Variants in LUC7L3 observed in about 807,000 individuals in gnomAD.
The protein encoded by LUC7L3 is LUC7 like 3 pre-mRNA splicing factor, also known as luc7-like protein 3.
Under a neutral mutation model 66.8 loss-of-function variants are expected in LUC7L3, and 6 were observed. That is an observed-to-expected ratio of 0.09 (90% CI 0.05 to 0.18). LUC7L3 has a LOEUF of 0.18. LUC7L3 is among the 10% of genes least tolerant of loss of function. The pLI is 1.00. For synonymous variants in LUC7L3, 160 were observed against 174.7 expected (o/e 0.92, Z 0.66); for missense variants, 341 against 531.1 (o/e 0.64, Z 3.52).
intron 6 of LUC7L3, 74 bp downstream of exon 6, chr17:50,743,884 C>A: frequency 9.2e-7 from 1 of 1,090,028 alleles, no homozygotes; most frequent in Non-Finnish European, 1.4e-6. Flanking sequence ...ATTTGAGAAC[C>A]TTTGAAAACT....
chr17:50,724,497 G>A (rs935649974), intron 1 of LUC7L3, among the ~76,000 whole-genome samples: 1 of 151,802 alleles, frequency 6.6e-6, no homozygotes, highest in Non-Finnish European at 1.5e-5. Context: ...GTCCAGCCTG[G>A]GCAACAGAGT....
intron 1 of LUC7L3, among the ~76,000 whole-genome samples, chr17:50,727,795 C>T (rs1969291853): frequency 6.6e-6 from 1 of 151,648 alleles, no homozygotes; most frequent in Non-Finnish European, 1.5e-5. Context: ...GATAGGTAGG[C>T]AAGAACTTGG....
Position 50,723,661 on chromosome 17 carries a change from CT to C in LUC7L3, c.99+3841del, listed in dbSNP as rs912944258. 624 of 89,228 alleles carry C rather than the reference CT, an allele frequency of 7.0e-3. 1 individual carries two copies. The highest frequency in any genetic ancestry group is 0.02 in the African/African-American group (500 of 25,146). The allele number at this position is 89,228 out of a possible 1,614,324, so 5.5% of individuals were successfully genotyped here. Reference sequence around the variant, plus strand: ...TCTACCCTGCTCCCTGCCCCCCCCCCTTTTTTTTTTTGAGACAGAGTCTAGC... The same window carrying C: ...TCTACCCTGCTCCCTGCCCCCCCCCCTTTTTTTTTTGAGACAGAGTCTAGC... On this transcript the variant is annotated intron_variant, in intron 1 of 9. Transcript: ENST00000505658.
At position 50,750,809 on chromosome 17, in the gene LUC7L3, T is replaced by C; in HGVS notation, c.*148T>C. On this transcript the variant is annotated 3_prime_UTR_variant, in exon 10 of 10. Coordinates refer to ENST00000505658, the MANE Select transcript of LUC7L3 (RefSeq NM_016424.5). Reference sequence around the variant, plus strand: ...CCGAGTAAGAAGACATACAAAAGCCTCTTCTGAAGGAAAAGACAGTGTAGT... The same window carrying C: ...CCGAGTAAGAAGACATACAAAAGCCCCTTCTGAAGGAAAAGACAGTGTAGT... The C allele has an allele frequency of 6.4e-7, 1 of 1,554,456 alleles. No individual in the cohort carries two copies.
intron 1 of LUC7L3, among the ~76,000 whole-genome samples, chr17:50,724,774 AC>A (rs1479708495): frequency 1.9e-4 from 11 of 59,132 alleles, no homozygotes; most frequent in Non-Finnish European, 3.7e-4. Context: ...TTTTTTTTTT[AC>A]CCCCGAGATG....
chr17:50,735,522 G>GA (rs1211647953), intron 1 of LUC7L3, among the ~76,000 whole-genome samples: 8 of 147,334 alleles, frequency 5.4e-5, no homozygotes, highest in African/African-American at 2.1e-4. Context: ...TTTTTTTCAA[G>GA]ACAGGGTGTG....
chr17:50,749,378 C>CA, intron 9 of LUC7L3: 1 of 1,267,552 alleles, frequency 7.9e-7, no homozygotes, highest in East Asian at 5.6e-5. Flanking sequence ...GCACAGTTCT[C>CA]ACAAGTGGAC....
In LUC7L3 at chr17:50,750,529, T is replaced by C; in HGVS notation, c.1167T>C (p.Ser389=). ...AGAGGGGATCTGATGATAAAAAAAG[T>C]AGTGTGAAGTCCGGTAGTCGAGAAA... ...KEKRGSDDKK[S]SVKSGSREKQ... is the part of the protein sequence containing the mutation. Residue 389 remains serine, a synonymous_variant, in exon 10 of 10, where the codon AGT becomes AGC. Coordinates refer to ENST00000505658, the MANE Select transcript of LUC7L3 (RefSeq NM_016424.5). 6.2e-7 allele frequency: 1 copy of C among 1,613,876 alleles called. No individual in the cohort carries two copies. The highest frequency in any genetic ancestry group is 8.5e-7 in the Non-Finnish European group (1 of 1,179,916).
At chr17:50,747,346 T>C (rs910946674) in intron 9 of LUC7L3, among the ~76,000 whole-genome samples, 4 of 151,652 alleles carry the variant, frequency 2.6e-5, no homozygotes, top group African/African-American at 9.7e-5. Flanking sequence ...CTCATCTAAC[T>C]TAGCCTTTAT....
chr17:50,721,960 T>C (rs1968800070), intron 1 of LUC7L3: 1 of 151,824 alleles, frequency 6.6e-6, no homozygotes, highest in African/African-American at 2.4e-5. Flanking sequence ...GAAGCAACCA[T>C]TAATTAAAAG....
intron 1 of LUC7L3, among the ~76,000 whole-genome samples, chr17:50,728,066 C>A (rs1042653144): frequency 6.6e-6 from 1 of 150,384 alleles, no homozygotes; most frequent in African/African-American, 2.5e-5. Context: ...TGCAGTGAGC[C>A]GAGATCGCGC....
chr17:50,740,162 T>C, intron 2 of LUC7L3, 144 bp from the exon 3 acceptor site: 1 of 619,724 alleles, frequency 1.6e-6, no homozygotes, highest in Non-Finnish European at 2.8e-6. Flanking sequence ...CATGATTTAG[T>C]AGGATCAGTT....
In LUC7L3 at chr17:50,743,868, A is replaced by G. The variant is rs932838289; in HGVS notation, c.531+58A>G. 8 of 1,261,188 alleles carry G rather than the reference A, an allele frequency of 6.3e-6. No homozygotes were observed. In the African/African-American group the frequency reaches 1.1e-4, roughly 17 times the overall value. 78.1% of individuals were successfully genotyped at this position (1,261,188 alleles called of 1,614,324 possible). A position where few individuals can be genotyped will look rare whatever the true frequency, so the allele number is the denominator to read the frequency against. ...GTCTGTTAACAGTTAGTAGGAACTC[A>G]TTTTTATTTGAGAACCTTTGAAAAC... On this transcript the variant is annotated intron_variant, in intron 6 of 9. Coordinates refer to ENST00000505658, the MANE Select transcript of LUC7L3 (RefSeq NM_016424.5).
chr17:50,724,547 C>T (rs1472087247), intron 1 of LUC7L3, among the ~76,000 whole-genome samples: 1 of 151,286 alleles, frequency 6.6e-6, no homozygotes, highest in African/African-American at 2.4e-5. Flanking sequence ...AAAATAACCA[C>T]AATACCATAA....
chr17:50,732,295 GC>G (rs1350622835), intron 1 of LUC7L3, among the ~76,000 whole-genome samples: 2 of 152,190 alleles, frequency 1.3e-5, no homozygotes, highest in Non-Finnish European at 2.9e-5. Context: ...AGATGGAGTT[GC>G]TTTCGCTTTT....
chr17:50,741,809 G>A, intron 5 of LUC7L3, 78 bp downstream of exon 5: 2 of 1,097,386 alleles, frequency 1.8e-6, no homozygotes, highest in Non-Finnish European at 2.8e-6. Context: ...GATGGGCCAG[G>A]CATGGTAACT....
chr17:50,733,813 A>G (rs895592128), intron 1 of LUC7L3, among the ~76,000 whole-genome samples: 1 of 152,202 alleles, frequency 6.6e-6, no homozygotes, highest in Non-Finnish European at 1.5e-5. Flanking sequence ...AACTTTTACT[A>G]AATATAGTTG....
At chr17:50,747,628 T>G (rs2143046233) in intron 9 of LUC7L3, among the ~76,000 whole-genome samples, 1 of 152,352 alleles carries the variant, frequency 6.6e-6, no homozygotes, top group Non-Finnish European at 1.5e-5. Flanking sequence ...TGTGTGTTGT[T>G]TGTTTATTAT....
intron 1 of LUC7L3, among the ~76,000 whole-genome samples, chr17:50,734,157 TC>T (rs556850110): frequency 1.2e-3 from 173 of 138,576 alleles, no homozygotes; most frequent in African/African-American, 5.0e-3. Flanking sequence ...CAAAGAATAA[TC>T]TTTTTTAAAA....
Sources: allele counts gnomAD v4.1 joint callset (sites outside exome capture counted in the v4.1 genomes callset), GRCh38; gene constraint gnomAD v4.1.1; transcripts MANE v1.5; gene names NCBI Gene and HGNC (gene_info 2026-07-23, HGNC 2026-07-21).